Variants in GALNT9 observed in about 807,000 individuals in gnomAD.
GALNT9 encodes the protein GalNAc transferase 9.
Under a neutral mutation model 63.1 loss-of-function variants are expected in GALNT9, and 47 were observed. The ratio of observed to expected loss-of-function variants is 0.75; its 90% CI spans 0.59 to 0.95. The LOEUF (loss-of-function observed/expected upper bound fraction) is 0.95, where lower values mean the gene tolerates loss of function less well. Among genes scored for constraint, GALNT9 ranks in the 40% least tolerant of loss-of-function variants. The pLI, the probability that GALNT9 is intolerant of heterozygous loss-of-function variation, is 0.00. For missense variants in GALNT9, 829 were observed against 874.8 expected (o/e 0.95, Z 0.66); for synonymous variants, 396 against 365.7 (o/e 1.08, Z -0.94).
At position 132,286,015 on chromosome 12, in the gene GALNT9, G is replaced by T. The variant is rs1880569272; in HGVS notation, c.419+235C>A. On this transcript the variant is annotated intron_variant, in intron 2 of 10. Coordinates refer to ENST00000328957, the MANE Select transcript of GALNT9 (RefSeq NM_001122636.2). The surrounding 1 kb of genome is among the most constrained non-coding windows in gnomAD (Gnocchi z 7.4). ...GCAGACCTTTGCGCGTTTCTCCCAG[G>T]AGCCCGCAGCTCGTGGGGGCAGTCC... 6.6e-6 allele frequency among the ~76,000 whole-genome samples: 1 copy of T among 152,010 alleles called. No individual in the cohort carries two copies. The highest frequency in any genetic ancestry group is 2.1e-4 in the South Asian group (1 of 4,812).
At chr12:132,322,936 T>C (rs1214520937) in intron 1 of GALNT9, among the ~76,000 whole-genome samples, 1 of 152,158 alleles carries the variant, frequency 6.6e-6, no homozygotes, top group African/African-American at 2.4e-5. Flanking sequence ...GGCCGTCCCG[T>C]ACGGGAAAGC....
chr12:132,202,732 GGGAA>G (rs1876258651), intron 7 of GALNT9, among the ~76,000 whole-genome samples: 2 of 152,122 alleles, frequency 1.3e-5, no homozygotes, highest in South Asian at 4.1e-4. Flanking sequence ...GCAGTGGCCA[GGGAA>G]GGAAGGGGGT....
At position 132,316,715 on chromosome 12, in the gene GALNT9, C is replaced by A. The variant is rs2135588198; in HGVS notation, c.238+12251G>T. 6.6e-6 allele frequency among the ~76,000 whole-genome samples: 1 copy of A among 152,198 alleles called. No individual in the cohort carries two copies. Among genetic ancestry groups the A allele is most frequent in the South Asian group, 2.1e-4 (1 of 4,830 alleles). On this transcript the variant is annotated intron_variant, in intron 1 of 10. Coordinates refer to ENST00000328957, the MANE Select transcript of GALNT9 (RefSeq NM_001122636.2). The surrounding 1 kb of genome is among the most constrained non-coding windows in gnomAD (Gnocchi z 4.3). ...GATCCGACAGGGACGCCCACCCCAG[C>A]CCACTCCCTCTGCAGCCACCCAGCC... is the stretch of plus-strand genomic sequence containing the variant.
In GALNT9 at chr12:132,197,104, G is replaced by T. The variant is rs1227907503; in HGVS notation, c.*3C>A. 5.0e-6 allele frequency: 8 copies of T among 1,613,874 alleles called. No homozygotes were observed. Among genetic ancestry groups the T allele is most frequent in the Non-Finnish European group, 6.8e-6 (8 of 1,179,838 alleles). On this transcript the variant is annotated 3_prime_UTR_variant, in exon 11 of 11. Coordinates refer to ENST00000328957, the MANE Select transcript of GALNT9 (RefSeq NM_001122636.2). ...GTCTGTGGGGGTCCGGGCGGAGGTG[G>T]GGTCAGTGCCGTGCGTGTTTGATCC...
intron 2 of GALNT9, among the ~76,000 whole-genome samples, chr12:132,264,419 A>G (rs1344837865): frequency 1.3e-5 from 2 of 152,232 alleles, no homozygotes; most frequent in African/African-American, 4.8e-5. Flanking sequence ...CCGTAGGAAA[A>G]GTCCAGGTGT....
chr12:132,199,314 T>G (rs1593458519), intron 8 of GALNT9, 45 bp from the exon 9 acceptor site: 3 of 1,436,968 alleles, frequency 2.1e-6, no homozygotes, highest in Non-Finnish European at 2.9e-6. Flanking sequence ...CACCCGAGGG[T>G]GCGGCCCCAG....
intron 6 of GALNT9, among the ~76,000 whole-genome samples, chr12:132,235,011 GGGGCGACAGAGGAGACA>G (rs1877944054): frequency 5.9e-5 from 2 of 33,872 alleles, no homozygotes; most frequent in African/African-American, 2.9e-4. Flanking sequence ...CACACTCGAT[GGGGCGACAGAGGAGACA>G]GCGTGGAGTC....
chr12:132,321,659 T>C (rs1868805811), intron 1 of GALNT9, among the ~76,000 whole-genome samples: 2 of 151,934 alleles, frequency 1.3e-5, no homozygotes, highest in East Asian at 2.0e-4. Context: ...TTCCCCCGGA[T>C]TCTCTCCTGG....
chr12:132,225,646 T>C (rs1360124843), intron 6 of GALNT9, among the ~76,000 whole-genome samples: 6 of 131,678 alleles, frequency 4.6e-5, no homozygotes, highest in Admixed American at 3.8e-4. Flanking sequence ...CCACACACTG[T>C]ATATACACAC....
intron 1 of GALNT9, among the ~76,000 whole-genome samples, chr12:132,297,154 C>T (rs1749321668): frequency 6.7e-6 from 1 of 149,326 alleles, no homozygotes; most frequent in African/African-American, 2.5e-5. Flanking sequence ...TCCCAAGATA[C>T]CCAAACTCAC....
chr12:132,251,890 G>T (rs554632658), intron 5 of GALNT9, among the ~76,000 whole-genome samples: 15 of 152,270 alleles, frequency 9.9e-5, no homozygotes, highest in African/African-American at 3.4e-4. Context: ...ATGTCCCCAG[G>T]TGTCCTCCGA....
chr12:132,318,611 G>T (rs923084338), intron 1 of GALNT9, among the ~76,000 whole-genome samples: 1 of 152,246 alleles, frequency 6.6e-6, no homozygotes, highest in African/African-American at 2.4e-5. Flanking sequence ...GTTCAGGGCC[G>T]CCCTAAACCT....
At chr12:132,204,182 A>T (rs894884621) in intron 6 of GALNT9, among the ~76,000 whole-genome samples, 5 of 151,210 alleles carry the variant, frequency 3.3e-5, no homozygotes, top group African/African-American at 1.2e-4. Context: ...AGCTAATAAA[A>T]CCCCGCAGCC....
chr12:132,257,652 G>C lies in GALNT9; in HGVS notation c.959+37C>G, dbSNP rs113545755. 4,644 of 1,497,682 alleles carry C rather than the reference G, an allele frequency of 3.1e-3. 132 individuals are homozygous for C. The African/African-American group carries it at 0.057, about 18-fold the overall frequency. The allele number at this position is 1,497,682 out of a possible 1,614,324, so 92.8% of individuals were successfully genotyped here. On this transcript the variant is annotated intron_variant, in intron 5 of 10. Coordinates refer to ENST00000328957, the MANE Select transcript of GALNT9 (RefSeq NM_001122636.2). Reference sequence around the variant, plus strand: ...CCTCGCTCTGCTCCGCTCCTTGCCGGGCAGGGCCGCCCTCGACCCCTGAGG... The same window carrying C: ...CCTCGCTCTGCTCCGCTCCTTGCCGCGCAGGGCCGCCCTCGACCCCTGAGG...
intron 10 of GALNT9, 123 bp downstream of exon 10, chr12:132,197,669 T>G: frequency 1.3e-6 from 1 of 756,212 alleles, no homozygotes; most frequent in East Asian, 2.7e-5. Context: ...CCCGGTCCCC[T>G]GACCACCCCC....
Position 132,196,647 on chromosome 12 carries a change from C to T in GALNT9, c.*460G>A, listed in dbSNP as rs188763457. ...CAAGGAGCTGCATTATGATGTGTGA[C>T]TTAGGTCTTGGTTGGAGGGCTGAGC... On this transcript the variant is annotated 3_prime_UTR_variant, in exon 11 of 11. Transcript: ENST00000328957. 3.4e-4 allele frequency: 344 copies of T among 999,272 alleles called. No homozygotes were observed. In the African/African-American group the frequency reaches 5.3e-3, roughly 15 times the overall value. The allele number at this position is 999,272 out of a possible 1,614,324, so 61.9% of individuals were successfully genotyped here.
At chr12:132,304,430 G>A (rs373641562) in intron 1 of GALNT9, among the ~76,000 whole-genome samples, 2,045 of 18,582 alleles carry the variant, frequency 0.11, 27 homozygotes, top group Middle Eastern at 0.19. Context: ...CCCGGGCACA[G>A]CCTCGCCCGG....
intron 6 of GALNT9, chr12:132,240,618 C>G (rs2136898884): frequency 8.8e-6 from 4 of 455,328 alleles, no homozygotes; most frequent in South Asian, 3.1e-5. Context: ...CCCCGGGGCT[C>G]GGCTGTGCTC....
In GALNT9 at chr12:132,197,879, C is replaced by G. The variant is rs747340728; in HGVS notation, c.1578G>C (p.Leu526=). ...STAFLPDSKC[L]VDDGTGRMPT... is the part of the protein sequence containing the mutation. The stretch of plus-strand genomic sequence containing the variant: ...GCATGCGGCCCGTGCCGTCATCCAC[C>G]AGACACTTGGAGTCAGGCAAGAAGG... Residue 526 remains leucine (L), a synonymous_variant, in exon 10 of 11, where the codon CTG becomes CTC. Transcript: ENST00000328957. The G allele has an allele frequency of 1.2e-6, 2 of 1,611,710 alleles. No homozygotes were observed. The highest frequency in any genetic ancestry group is 3.3e-5 in the Admixed American group (2 of 59,924).
Sources: allele counts gnomAD v4.1 joint callset (sites outside exome capture counted in the v4.1 genomes callset), GRCh38; gene constraint gnomAD v4.1.1; non-coding constraint Gnocchi (gnomAD v3.1); transcripts MANE v1.5; gene names NCBI Gene and HGNC (gene_info 2026-07-23, HGNC 2026-07-21).